EMB: variants seen among roughly 807,000 people sequenced by gnomAD.
The protein encoded by EMB is embigin.
EMB carries 31 observed loss-of-function variants against 41.4 expected under a neutral mutation model. The observed-to-expected ratio is 0.75, with a 90% CI of 0.56 to 1.01. EMB has a LOEUF of 1.01. Ranked by LOEUF, EMB falls within the 50% of genes least tolerant of loss-of-function variation. EMB has a pLI of 0.00. For missense variants in EMB, 379 were observed against 388.3 expected (o/e 0.98, Z 0.20); for synonymous variants, 137 against 140.4 (o/e 0.98, Z 0.17).
intron 1 of EMB, among the ~76,000 whole-genome samples, chr5:50,439,342 T>C (rs1745857176): frequency 6.6e-6 from 1 of 152,032 alleles, no homozygotes; most frequent in South Asian, 2.1e-4. Flanking sequence ...GAGACAGTTT[T>C]GCACTGTCAC....
intron 2 of EMB, among the ~76,000 whole-genome samples, chr5:50,427,248 T>G (rs1272961178): frequency 1.3e-5 from 2 of 152,162 alleles, no homozygotes; most frequent in African/African-American, 4.8e-5. Flanking sequence ...ATAAAACATT[T>G]TGTTTAGAGA....
At position 50,399,152 on chromosome 5, in the gene EMB, T is replaced by G; in HGVS notation, c.*121A>C. The G allele has an allele frequency of 1.4e-6, 2 of 1,386,926 alleles. No individual in the cohort carries two copies. The highest frequency in any genetic ancestry group is 1.9e-6 in the Non-Finnish European group (2 of 1,030,104). The allele number at this position is 1,386,926 out of a possible 1,614,324, so 85.9% of individuals were successfully genotyped here. The stretch of plus-strand genomic sequence containing the variant: ...GTTGATGAAGCTCCTGCTGAGCATG[T>G]TGCATAAGCTTTTCATCCTTTTAAA... On this transcript the variant is annotated 3_prime_UTR_variant, in exon 9 of 9. Transcript: ENST00000303221.
intron 8 of EMB, 73 bp downstream of exon 8, chr5:50,399,786 T>C (rs543547523): frequency 8.1e-7 from 1 of 1,229,578 alleles, no homozygotes; most frequent in South Asian, 1.3e-5. Flanking sequence ...TAAAAAAAAG[T>C]AACTGATTGA....
rs150859869 is a variant in EMB at position 50,410,339 on chromosome 5, C to T, written c.472+538G>A. Reference sequence around the variant, plus strand: ...ATGGTAACAGTAAAATATTTTAATTCGTTTGTTTCCAAGCAAAAGAAATGT... The same window carrying T: ...ATGGTAACAGTAAAATATTTTAATTTGTTTGTTTCCAAGCAAAAGAAATGT... On this transcript the variant is annotated intron_variant, in intron 4 of 8. Coordinates refer to ENST00000303221, the MANE Select transcript of EMB (RefSeq NM_198449.3). Among the ~76,000 whole-genome samples the T allele has an allele frequency of 2.0e-3, 304 of 152,040 alleles. 3 individuals are homozygous for T. Among genetic ancestry groups the T allele is most frequent in the African/African-American group, 6.5e-3 (271 of 41,492 alleles).
chr5:50,431,739 A>G (rs1401163461), intron 1 of EMB, among the ~76,000 whole-genome samples: 1 of 152,222 alleles, frequency 6.6e-6, no homozygotes, highest in Admixed American at 6.5e-5. Flanking sequence ...ATTTCCATAT[A>G]GCATTCTTTT....
At chr5:50,417,028 T>C (rs535321764) in intron 2 of EMB, among the ~76,000 whole-genome samples, 3 of 152,260 alleles carry the variant, frequency 2.0e-5, no homozygotes, top group African/African-American at 7.2e-5. Flanking sequence ...GAAGGAGAAG[T>C]CACAGAGCTG....
intron 6 of EMB, among the ~76,000 whole-genome samples, chr5:50,402,903 G>T (rs1420580109): frequency 6.8e-6 from 1 of 147,972 alleles, no homozygotes; most frequent in African/African-American, 2.5e-5. Context: ...AAAAAAAGAG[G>T]GGGGTGGTGG....
At chr5:50,423,905 A>C (rs1745567069) in intron 2 of EMB, among the ~76,000 whole-genome samples, 1 of 152,230 alleles carries the variant, frequency 6.6e-6, no homozygotes, top group Non-Finnish European at 1.5e-5. Context: ...AATGCCTAAC[A>C]AAACTTTAAA....
At chr5:50,437,395 C>T (rs1227841019) in intron 1 of EMB, among the ~76,000 whole-genome samples, 1 of 152,128 alleles carries the variant, frequency 6.6e-6, no homozygotes, top group Non-Finnish European at 1.5e-5. Context: ...GCTTCTCCAC[C>T]ATAAAGTTAC....
In EMB at chr5:50,441,058, C is replaced by CAG; in HGVS notation, c.93_94insCT (p.Ala32LeufsTer20). On this transcript the variant is annotated frameshift_variant, in exon 1 of 9. Coordinates refer to ENST00000303221, the MANE Select transcript of EMB (RefSeq NM_198449.3). LOFTEE classifies it high-confidence loss of function. ...ATCACACCTGGGGCACTGCCGTCCG[C>CAG]CGAGCTTGGGCGCGCGGCAGCGAGA... 3 of 1,510,622 alleles carry CAG rather than the reference C, an allele frequency of 2.0e-6. No individual in the cohort carries two copies. Among genetic ancestry groups the CAG allele is most frequent in the Non-Finnish European group, 2.7e-6 (3 of 1,130,182 alleles). The allele number at this position is 1,510,622 out of a possible 1,614,324, so 93.6% of individuals were successfully genotyped here. A position where few individuals can be genotyped will look rare whatever the true frequency, so the allele number is the denominator to read the frequency against.
chr5:50,404,118 T>C (rs1745211739), intron 5 of EMB, among the ~76,000 whole-genome samples: 1 of 151,996 alleles, frequency 6.6e-6, no homozygotes, highest in South Asian at 2.1e-4. Context: ...TATTAAGCTA[T>C]TTGGGGCTGT....
chr5:50,428,482 C>T (rs922602373), intron 1 of EMB: 20 of 1,110,988 alleles, frequency 1.8e-5, no homozygotes, highest in East Asian at 5.2e-5. Flanking sequence ...TTTTAAATAA[C>T]GCCTTCCATT....
At chr5:50,439,796 C>A (rs1464766109) in intron 1 of EMB, among the ~76,000 whole-genome samples, 1 of 152,244 alleles carries the variant, frequency 6.6e-6, no homozygotes, top group South Asian at 2.1e-4. Flanking sequence ...CCACATCTTA[C>A]AAGCCCATGA....
chr5:50,428,620 G>A (rs1325006675), intron 1 of EMB: 2 of 986,998 alleles, frequency 2.0e-6, no homozygotes, highest in Non-Finnish European at 2.4e-6. Context: ...AGAGCGACAG[G>A]CAGACCTTAA....
chr5:50,427,234 C>A (rs12110262), intron 2 of EMB, among the ~76,000 whole-genome samples: 1 of 151,976 alleles, frequency 6.6e-6, no homozygotes, highest in Non-Finnish European at 1.5e-5. Context: ...TTCTGTTCTA[C>A]CAAATAAAAC....
intron 1 of EMB, among the ~76,000 whole-genome samples, chr5:50,437,207 G>C (rs1275770593): frequency 1.3e-5 from 2 of 152,144 alleles, no homozygotes; most frequent in Non-Finnish European, 2.9e-5. Flanking sequence ...GAAGGTCAAG[G>C]CTGCCCTGAG....
intron 7 of EMB, among the ~76,000 whole-genome samples, chr5:50,401,453 T>A (rs1029197993): frequency 6.6e-6 from 1 of 151,988 alleles, no homozygotes; most frequent in Non-Finnish European, 1.5e-5. Context: ...GCCTTCCACT[T>A]CTCAGGTTTC....
chr5:50,422,710 AAAAGTTT>A (rs552253427), intron 2 of EMB, among the ~76,000 whole-genome samples: 469 of 152,326 alleles, frequency 3.1e-3, no homozygotes, highest in Admixed American at 5.7e-3. Context: ...AACACCACAT[AAAAGTTT>A]AAAGTTTAAA....
intron 2 of EMB, among the ~76,000 whole-genome samples, chr5:50,422,121 A>G (rs1230624254): frequency 1.3e-5 from 2 of 152,132 alleles, no homozygotes; most frequent in African/African-American, 4.8e-5. Context: ...ATAAAAAGAT[A>G]TGTTTTTAAA....
Sources: allele counts gnomAD v4.1 joint callset (sites outside exome capture counted in the v4.1 genomes callset), GRCh38; gene constraint gnomAD v4.1.1; transcripts MANE v1.5; gene names NCBI Gene and HGNC (gene_info 2026-07-23, HGNC 2026-07-21).